SLC22A16: variants seen among roughly 807,000 people sequenced by gnomAD.
SLC22A16 encodes solute carrier family 22 member 16.
A neutral mutation model predicts 52.9 loss-of-function variants in SLC22A16; 53 were observed. The ratio of observed to expected loss-of-function variants is 1.00; its 90% CI spans 0.80 to 1.26. The LOEUF (loss-of-function observed/expected upper bound fraction) is 1.26. SLC22A16 is among the 50% of genes most tolerant of loss of function. The pLI, the probability that SLC22A16 is intolerant of heterozygous loss-of-function variation, is 0.00. For synonymous variants in SLC22A16, 291 were observed against 268.8 expected, an observed-to-expected ratio of 1.08 and a Z score of -0.81; for missense variants, 726 against 704.0, an observed-to-expected ratio of 1.03 and a Z score of -0.35.
intron 4 of SLC22A16, 126 bp downstream of exon 4, chr6:110,442,118 G>A (rs1213449754): frequency 1.2e-6 from 1 of 844,564 alleles, no homozygotes; most frequent in Non-Finnish European, 1.8e-6. Flanking sequence ...TGGCAGTATT[G>A]TTCCTGGTTT....
At position 110,442,632 on chromosome 6, in the gene SLC22A16, C is replaced by G. The variant is rs761610554; in HGVS notation, c.795G>C (p.Arg265Ser). 2.5e-6 allele frequency: 4 copies of G among 1,614,014 alleles called. No homozygotes were observed. Among genetic ancestry groups the G allele is most frequent in the African/African-American group, 2.7e-5 (2 of 74,904 alleles). Residue 265 changes from arginine to serine, a missense_variant, in exon 4 of 8, where the codon AGG (arginine) becomes AGC (serine). Transcript: ENST00000368919. ...LLVALTGYLV[R>S]TWWLYQMILS... is the part of the protein sequence containing the mutation. ...GGATCATCTGGTAAAGCCACCAGGT[C>G]CTGACCAAGTATCCTGTCAAAGCCA... is the stretch of plus-strand genomic sequence containing the variant.
chr6:110,474,243 G>T (rs1290038606), intron 1 of SLC22A16, among the ~76,000 whole-genome samples: 3 of 152,046 alleles, frequency 2.0e-5, no homozygotes, highest in Non-Finnish European at 4.4e-5. Flanking sequence ...TGCTAAAAAG[G>T]TTAGGGACCA....
intron 6 of SLC22A16, among the ~76,000 whole-genome samples, chr6:110,434,837 G>A (rs1429565159): frequency 6.6e-6 from 1 of 152,156 alleles, no homozygotes; most frequent in Non-Finnish European, 1.5e-5. Context: ...AATTAGCCGG[G>A]TGTAGTGGCA....
intron 7 of SLC22A16, among the ~76,000 whole-genome samples, chr6:110,426,479 C>T (rs1175026202): frequency 6.6e-6 from 1 of 152,082 alleles, no homozygotes; most frequent in African/African-American, 2.4e-5. Context: ...AATAAGTCCC[C>T]CCTTTCCCAC....
Position 110,448,289 on chromosome 6 carries a change from A to G in SLC22A16, c.534-1299T>C, listed in dbSNP as rs150000066. On this transcript the variant is annotated intron_variant, in intron 2 of 7. Coordinates refer to ENST00000368919, the MANE Select transcript of SLC22A16 (RefSeq NM_033125.4). ...TTTCAAGCGCGTATTGGCTATTTGCATATATTCTTTAGAGAAATGTTTATC... is the reference window on the plus strand; with the variant it reads ...TTTCAAGCGCGTATTGGCTATTTGCGTATATTCTTTAGAGAAATGTTTATC... 3.8e-3 allele frequency among the ~76,000 whole-genome samples: 577 copies of G among 152,322 alleles called. 11 individuals carry two copies. The highest frequency in any genetic ancestry group is 0.023 in the East Asian group (117 of 5,192).
rs1181053386 is a variant in SLC22A16, at chr6:110,424,798, G to A, written c.*75C>T. 6 of 1,519,350 alleles carry A rather than the reference G, an allele frequency of 3.9e-6. No homozygotes were observed. In the Admixed American group the frequency reaches 9.1e-5, roughly 23 times the overall value. The allele number at this position is 1,519,350 out of a possible 1,614,324, so 94.1% of individuals were successfully genotyped here. ...GACATACAAACAACATATGGGAGAT[G>A]AGAATAAGATTCCTCTAATACAAAG... On this transcript the variant is annotated 3_prime_UTR_variant, in exon 8 of 8. Coordinates refer to ENST00000368919, the MANE Select transcript of SLC22A16 (RefSeq NM_033125.4).
At chr6:110,425,746 C>T (rs761553040) in intron 7 of SLC22A16, among the ~76,000 whole-genome samples, 13 of 152,204 alleles carry the variant, frequency 8.5e-5, no homozygotes, top group South Asian at 6.2e-4. Context: ...AGCGCCAAGG[C>T]GTTTGCTTTT....
intron 1 of SLC22A16, among the ~76,000 whole-genome samples, chr6:110,467,053 T>C (rs1038044253): frequency 6.6e-6 from 1 of 152,270 alleles, no homozygotes; most frequent in East Asian, 1.9e-4. Context: ...GAATGAGAGT[T>C]TTTAAAAAGA....
Position 110,456,925 on chromosome 6 carries a change from T to G in SLC22A16, c.146A>C (p.His49Pro), listed in dbSNP as rs714368. The G allele has an allele frequency of 1.2e-6, 2 of 1,612,722 alleles. No homozygotes were observed. Among genetic ancestry groups the G allele is most frequent in the Non-Finnish European group, 1.7e-6 (2 of 1,179,388 alleles). The part of the protein sequence containing the change: ...LASVFMGVTP[H>P]HVCRPPGNVS... Reference sequence around the variant, plus strand: ...ATTGCCTGGGGGCCTGCAGACATGATGAGGGGTGACTCCCATGAACACAGA... The same window carrying G: ...ATTGCCTGGGGGCCTGCAGACATGAGGAGGGGTGACTCCCATGAACACAGA... The change falls in exon 2 of 8, where the codon CAT becomes CCT. Residue 49 changes from histidine (H) to proline (P), a missense_variant. His to Pro is a moderately conservative substitution (Grantham distance 77). Coordinates refer to ENST00000368919, the MANE Select transcript of SLC22A16 (RefSeq NM_033125.4).
At chr6:110,476,294 C>T in intron 1 of SLC22A16, 1 of 1,329,852 alleles carries the variant, frequency 7.5e-7, no homozygotes, top group Non-Finnish European at 9.7e-7. Flanking sequence ...GCACTCCGAG[C>T]GAGCCCAGCG....
chr6:110,457,867 A>G (rs1582572861), intron 1 of SLC22A16, among the ~76,000 whole-genome samples: 1 of 152,232 alleles, frequency 6.6e-6, no homozygotes, highest in South Asian at 2.1e-4. Flanking sequence ...AGTACCCGCT[A>G]CTTAGCAGAC....
At chr6:110,439,254 T>C (rs1311411349) in intron 4 of SLC22A16, among the ~76,000 whole-genome samples, 1 of 152,232 alleles carries the variant, frequency 6.6e-6, no homozygotes, top group East Asian at 1.9e-4. Context: ...TGTGTTTGTC[T>C]TTGGAAACAT....
intron 3 of SLC22A16, among the ~76,000 whole-genome samples, chr6:110,443,734 C>T (rs577757357): frequency 1.3e-5 from 2 of 152,270 alleles, no homozygotes; most frequent in South Asian, 4.2e-4. Flanking sequence ...CACATGCCTG[C>T]TCATAGCATT....
rs757097560 is a variant in SLC22A16 at position 110,446,999 on chromosome 6, T to C, written c.534-9A>G. The C allele has an allele frequency of 8.7e-6, 14 of 1,608,012 alleles. No individual in the cohort carries two copies. The highest frequency in any genetic ancestry group is 8.5e-6 in the Non-Finnish European group (10 of 1,176,948). Reference sequence around the variant, plus strand: ...CCACCCGGCGTCCTAGCCTGAAAAATAAGAGTCACACAGTGGAAGAGGAAA... The same window carrying C: ...CCACCCGGCGTCCTAGCCTGAAAAACAAGAGTCACACAGTGGAAGAGGAAA... On this transcript the variant is annotated splice_polypyrimidine_tract_variant and intron_variant, in intron 2 of 7. Transcript: ENST00000368919.
rs554255904 is a variant in SLC22A16, at chr6:110,433,198, A to G, written c.1422-1928T>C. The stretch of plus-strand genomic sequence containing the variant: ...CTAATAGACAATTACATAGGGAGTT[A>G]TTCCTCTGCTATTCTATACCCCTGG... On this transcript the variant is annotated intron_variant, in intron 6 of 7. Coordinates refer to ENST00000368919, the MANE Select transcript of SLC22A16 (RefSeq NM_033125.4). 3.5e-4 allele frequency among the ~76,000 whole-genome samples: 54 copies of G among 152,332 alleles called. 1 individual carries two copies. The South Asian group carries it at 0.011, about 32-fold the overall frequency.
Position 110,442,372 on chromosome 6 carries a change from T to C in SLC22A16, c.1055A>G (p.Asn352Ser). 1 of 1,614,156 alleles carries C rather than the reference T, an allele frequency of 6.2e-7. No individual in the cohort carries two copies. Among genetic ancestry groups the C allele is most frequent in the Non-Finnish European group, 8.5e-7 (1 of 1,180,014 alleles). Residue 352 changes from asparagine (N) to serine (S), a missense_variant, in exon 4 of 8, where the codon AAC (asparagine) becomes AGC (serine). Coordinates refer to ENST00000368919, the MANE Select transcript of SLC22A16 (RefSeq NM_033125.4). ...QKHNLSYLFY[N>S]WSITKRTLTV... Reference sequence around the variant, plus strand: ...AAGTGTCCTTTTCGTAATGCTCCAGTTATAAAACAGATATGATAGGTTGTG... The same window carrying C: ...AAGTGTCCTTTTCGTAATGCTCCAGCTATAAAACAGATATGATAGGTTGTG...
intron 5 of SLC22A16, among the ~76,000 whole-genome samples, chr6:110,436,535 A>C (rs559934917): frequency 6.6e-6 from 1 of 152,314 alleles, no homozygotes; most frequent in African/African-American, 2.4e-5. Flanking sequence ...CTAAGGCAGG[A>C]GGATCATTTA....
intron 1 of SLC22A16, chr6:110,476,249 A>T: frequency 1.1e-6 from 1 of 951,772 alleles, no homozygotes; most frequent in Non-Finnish European, 1.4e-6. Context: ...TGCCGCGGAG[A>T]GCACGCACCA....
intron 7 of SLC22A16, among the ~76,000 whole-genome samples, chr6:110,428,459 A>G (rs9372256): frequency 0.34 from 51,246 of 152,072 alleles, 8,915 homozygotes; most frequent in East Asian, 0.41. Context: ...TAAAAGGCAA[A>G]GGAGCATGGT....
Sources: allele counts gnomAD v4.1 joint callset (sites outside exome capture counted in the v4.1 genomes callset), GRCh38; gene constraint gnomAD v4.1.1; transcripts MANE v1.5; gene names NCBI Gene and HGNC (gene_info 2026-07-23, HGNC 2026-07-21).